The following PDP1 variants were observed in gnomAD, a reference collection of about 807,000 sequenced individuals.
PDP1 encodes pyruvate dehyrogenase phosphatase catalytic subunit 1.
Under a neutral mutation model 37.1 loss-of-function variants are expected in PDP1, and 14 were observed. The ratio of observed to expected loss-of-function variants is 0.38; its 90% CI spans 0.25 to 0.59. The LOEUF (loss-of-function observed/expected upper bound fraction) is 0.59, where lower values mean the gene tolerates loss of function less well. PDP1 is among the 20% of genes least tolerant of loss of function. The pLI is 0.67. For missense variants in PDP1, 544 were observed against 655.3 expected (o/e 0.83, Z 1.85); for synonymous variants, 251 against 243.3 (o/e 1.03, Z -0.29).
In PDP1 at chr8:93,926,053, A is replaced by G. The variant is rs988384849; in HGVS notation, c.*2380A>G. On this transcript the variant is annotated 3_prime_UTR_variant, in exon 2 of 2. Coordinates refer to ENST00000297598, the MANE Select transcript of PDP1 (RefSeq NM_018444.4). ...AATGCCTATGGTGAATTAAAGCTTC[A>G]TATCTGCTTTCTGAATGTCCTGTGT... 1.2e-5 allele frequency: 2 copies of G among 165,336 alleles called. No homozygotes were observed. The highest frequency in any genetic ancestry group is 4.8e-5 in the African/African-American group (2 of 41,456). 10.2% of individuals were successfully genotyped at this position (165,336 alleles called of 1,614,324 possible).
chr8:93,917,795 C>CCGCCGCCGCCTCCT lies in PDP1; in HGVS notation c.-45+718_-45+731dup, dbSNP rs757626452. On this transcript the variant is annotated intron_variant, in intron 1 of 1. Coordinates refer to ENST00000297598, the MANE Select transcript of PDP1 (RefSeq NM_018444.4). ...TCGCCCCTCCTCCGCTCCCGCCTCC[C>CCGCCGCCGCCTCCT]CGCCGCCGCCTCCTCTAATGAGCAT... is the stretch of plus-strand genomic sequence containing the variant. 2.4e-4 allele frequency: 386 copies of CCGCCGCCGCCTCCT among 1,582,202 alleles called. 1 individual carries two copies. The East Asian group carries it at 5.5e-3, about 23-fold the overall frequency.
At chr8:93,918,402 CTAAT>C (rs1266611112) in intron 1 of PDP1, among the ~76,000 whole-genome samples, 5 of 152,146 alleles carry the variant, frequency 3.3e-5, no homozygotes, top group Admixed American at 3.3e-4. Flanking sequence ...ATAGCATTTG[CTAAT>C]TAATTTGGTC....
intron 1 of PDP1, chr8:93,921,086 T>TA (rs1034956202): frequency 5.3e-6 from 5 of 951,796 alleles, no homozygotes; most frequent in Non-Finnish European, 6.1e-6. Flanking sequence ...TTTTTTTTTT[T>TA]AATCATGAAG....
chr8:93,925,716 C>T lies in PDP1; in HGVS notation c.*2043C>T, dbSNP rs1296658575. On this transcript the variant is annotated 3_prime_UTR_variant, in exon 2 of 2. Transcript: ENST00000297598. ...ATTGGGTATTAGAAATCTGAAAGTA[C>T]TGTCATCTAAAAGCAATTGTGATTT... The T allele has an allele frequency of 3.6e-5, 6 of 167,038 alleles. No individual in the cohort carries two copies. The highest frequency in any genetic ancestry group is 5.9e-5 in the Non-Finnish European group (4 of 68,102). The allele number at this position is 167,038 out of a possible 1,614,324, so 10.3% of individuals were successfully genotyped here. A position where few individuals can be genotyped will look rare whatever the true frequency, so the allele number is the denominator to read the frequency against.
chr8:93,923,153 A>G lies in PDP1; in HGVS notation c.1094A>G (p.Gln365Arg). The change falls in exon 2 of 2, where the codon CAA (glutamine) becomes CGA (arginine). Residue 365 changes from glutamine (Q) to arginine (R), a missense_variant. Physicochemically the swap from Gln to Arg is conservative, Grantham distance 43. Around this residue, in one of 5 missense-constraint regions of PDP1, gnomAD observed 35 missense variants for 36.1 expected, o/e 0.97. Transcript: ENST00000297598. The surrounding 1 kb of genome is among the most constrained non-coding windows in gnomAD (Gnocchi z 4.3). The part of the protein sequence containing the change: ...DVKFKWSIDL[Q>R]KRVIESGPDQ... The stretch of plus-strand genomic sequence containing the variant: ...AAGTTCAAATGGAGCATTGACCTTC[A>G]AAAGAGAGTGATAGAATCTGGCCCA... 6.2e-7 allele frequency: 1 copy of G among 1,614,220 alleles called. No individual in the cohort carries two copies. The highest frequency in any genetic ancestry group is 8.5e-7 in the Non-Finnish European group (1 of 1,180,028).
chr8:93,917,646 T>C, intron 1 of PDP1: 1 of 633,702 alleles, frequency 1.6e-6, no homozygotes, highest in Non-Finnish European at 2.7e-6. Flanking sequence ...CCTTGGGCTG[T>C]GGCTTTGCCT....
At chr8:93,921,412 A>G in intron 1 of PDP1, 1 of 773,908 alleles carries the variant, frequency 1.3e-6, no homozygotes, top group Non-Finnish European at 1.6e-6. Context: ...ATTATGTAGA[A>G]ATTTTTCTAT....
At position 93,922,686 on chromosome 8, in the gene PDP1, T is replaced by C; in HGVS notation, c.627T>C (p.Phe209=). ...YFSKEASKLY[F]NSLRTYWQEL... The stretch of plus-strand genomic sequence containing the variant: ...GTAAGGAGGCATCCAAATTGTACTT[T>C]AACAGCTTGAGGACTTACTGGCAAG... Residue 209 remains phenylalanine, a synonymous_variant, in exon 2 of 2, where the codon TTT becomes TTC. Coordinates refer to ENST00000297598, the MANE Select transcript of PDP1 (RefSeq NM_018444.4). This position sits in a 1 kb window ranked among gnomAD's most constrained non-coding sequence, Gnocchi z 4.0. 1.9e-6 allele frequency: 3 copies of C among 1,614,162 alleles called. No homozygotes were observed. The highest frequency in any genetic ancestry group is 2.2e-5 in the South Asian group (2 of 91,086).
chr8:93,917,783 G>C, intron 1 of PDP1: 2 of 1,395,694 alleles, frequency 1.4e-6, no homozygotes, highest in Admixed American at 2.1e-5. Flanking sequence ...CCCCTCCTCC[G>C]CTCCCGCCTC....
intron 1 of PDP1, chr8:93,919,089 T>A (rs1480112583): frequency 1.1e-6 from 1 of 942,382 alleles, no homozygotes; most frequent in Non-Finnish European, 1.3e-6. Flanking sequence ...TTGTTTTTAA[T>A]CTCAAGAATT....
Position 93,922,470 on chromosome 8 carries a change from G to A in PDP1, c.411G>A (p.Gly137=). 6.2e-7 allele frequency: 1 copy of A among 1,614,176 alleles called. No individual in the cohort carries two copies. The highest frequency in any genetic ancestry group is 8.5e-7 in the Non-Finnish European group (1 of 1,180,040). Residue 137 remains glycine, a synonymous_variant, in exon 2 of 2, where the codon GGG becomes GGA. Transcript: ENST00000297598. This position sits in a 1 kb window ranked among gnomAD's most constrained non-coding sequence, Gnocchi z 4.0. ...CAGCAACCTGCTTGCAGACCAGAGG[G>A]ATGCTTTTGGGGGTTTTTGATGGCC... is the stretch of plus-strand genomic sequence containing the variant. The part of the protein sequence containing the change: ...RSAATCLQTR[G]MLLGVFDGHA...
chr8:93,922,306 C>G lies in PDP1; in HGVS notation c.247C>G (p.Pro83Ala). The G allele has an allele frequency of 6.2e-7, 1 of 1,614,236 alleles. No homozygotes were observed. The highest frequency in any genetic ancestry group is 8.5e-7 in the Non-Finnish European group (1 of 1,180,034). Residue 83 changes from proline to alanine, a missense_variant, in exon 2 of 2, where the codon CCA becomes GCA. Pro to Ala is a conservative substitution (Grantham distance 27). Transcript: ENST00000297598. The surrounding 1 kb of genome is among the most constrained non-coding windows in gnomAD (Gnocchi z 4.0). ...STPQKFYLTP[P>A]QVNSILKANE... ...ACCACAGAAATTTTACCTCACACCTCCACAAGTCAATAGCATCCTTAAAGC... is the reference window on the plus strand; with the variant it reads ...ACCACAGAAATTTTACCTCACACCTGCACAAGTCAATAGCATCCTTAAAGC...
At chr8:93,921,360 TG>T in intron 1 of PDP1, 1 of 983,476 alleles carries the variant, frequency 1.0e-6, no homozygotes, top group Non-Finnish European at 1.2e-6. Context: ...GACCATCTAC[TG>T]GGGTACAGGA....
intron 1 of PDP1, chr8:93,917,654 C>T (rs1414007931): frequency 1.5e-6 from 1 of 675,736 alleles, no homozygotes. Context: ...TGTGGCTTTG[C>T]CTCCCCGGCG....
chr8:93,925,393 A>G lies in PDP1; in HGVS notation c.*1720A>G, dbSNP rs566314054. On this transcript the variant is annotated 3_prime_UTR_variant, in exon 2 of 2. Transcript: ENST00000297598. ...TTGGGAGAGGGAAAGGCTGTACTAT[A>G]TATTTATTTCTAAATGTTTTGACTG... The G allele has an allele frequency of 6.0e-6, 1 of 166,322 alleles. No individual in the cohort carries two copies. Among genetic ancestry groups the G allele is most frequent in the African/African-American group, 2.4e-5 (1 of 41,258 alleles). The allele number at this position is 166,322 out of a possible 1,614,324, so 10.3% of individuals were successfully genotyped here. A position where few individuals can be genotyped will look rare whatever the true frequency, so the allele number is the denominator to read the frequency against.
At chr8:93,920,153 C>CTACTACTTGCAGAAG (rs1810223960) in intron 1 of PDP1, among the ~76,000 whole-genome samples, 1 of 152,200 alleles carries the variant, frequency 6.6e-6, no homozygotes, top group Non-Finnish European at 1.5e-5. Context: ...ATGGTACTTT[C>CTACTACTTGCAGAAG]TACTACTTGC....
chr8:93,917,291 G>A (rs1482854125), intron 1 of PDP1: 1 of 143,014 alleles, frequency 7.0e-6, no homozygotes, highest in Non-Finnish European at 1.5e-5. Flanking sequence ...GGGGGCGGGG[G>A]CGGGGGCGCC....
chr8:93,920,564 T>C lies in PDP1; in HGVS notation c.-44-1452T>C, dbSNP rs1407913539. On this transcript the variant is annotated intron_variant, in intron 1 of 1. Coordinates refer to ENST00000297598, the MANE Select transcript of PDP1 (RefSeq NM_018444.4). The stretch of plus-strand genomic sequence containing the variant: ...GCCCAAATTATCTAGATTAATGATA[T>C]ATTCATTAAATTTCCCAAATAAATG... 5.5e-6 allele frequency: 5 copies of C among 913,452 alleles called. No homozygotes were observed. The East Asian group carries it at 3.6e-4, about 66-fold the overall frequency. The allele number at this position is 913,452 out of a possible 1,614,324, so 56.6% of individuals were successfully genotyped here.
chr8:93,917,988 A>T (rs1810138752), intron 1 of PDP1: 1 of 1,610,498 alleles, frequency 6.2e-7, no homozygotes, highest in African/African-American at 1.3e-5. Context: ...CCCAGGAAGG[A>T]TGGTGACAGA....
Sources: allele counts gnomAD v4.1 joint callset (sites outside exome capture counted in the v4.1 genomes callset), GRCh38; gene constraint gnomAD v4.1.1; regional missense constraint gnomAD v4.1.1; non-coding constraint Gnocchi (gnomAD v3.1); transcripts MANE v1.5; gene names NCBI Gene and HGNC (gene_info 2026-07-23, HGNC 2026-07-21).